The following ZEB1 variants were observed in gnomAD, a reference collection of about 807,000 sequenced individuals.
ZEB1 encodes zinc finger E-box binding homeobox 1.
A neutral mutation model predicts 84.9 loss-of-function variants in ZEB1; 21 were observed. That is an observed-to-expected ratio of 0.25 (90% confidence interval 0.18 to 0.36). The LOEUF is 0.36. Among genes scored for constraint, ZEB1 ranks in the 10% least tolerant of loss-of-function variants. The pLI is 1.00. For missense variants in ZEB1, 1,104 were observed against 1,330.2 expected, an observed-to-expected ratio of 0.83 and a Z score of 2.65; for synonymous variants, 420 against 471.1, an observed-to-expected ratio of 0.89 and a Z score of 1.41.
At chr10:31,459,306 T>C (rs957391712) in intron 1 of ZEB1, among the ~76,000 whole-genome samples, 6 of 152,146 alleles carry the variant, frequency 3.9e-5, no homozygotes, top group Non-Finnish European at 8.8e-5. Flanking sequence ...GAATTATATA[T>C]ACACACATTT....
At chr10:31,409,255 G>A (rs2053756293) in intron 1 of ZEB1, among the ~76,000 whole-genome samples, 1 of 152,130 alleles carries the variant, frequency 6.6e-6, no homozygotes, top group African/African-American at 2.4e-5. Flanking sequence ...AACAGGTGCT[G>A]GAGAGGATGT....
intron 2 of ZEB1, among the ~76,000 whole-genome samples, chr10:31,461,938 A>T (rs1193833109): frequency 6.6e-6 from 1 of 152,170 alleles, no homozygotes; most frequent in Admixed American, 6.6e-5. Context: ...AGCACCAATG[A>T]TATAAAAATG....
intron 5 of ZEB1, among the ~76,000 whole-genome samples, chr10:31,514,388 T>G (rs1344011652): frequency 6.6e-6 from 1 of 152,108 alleles, no homozygotes; most frequent in Non-Finnish European, 1.5e-5. Flanking sequence ...TCACTATCCT[T>G]TTTGGTAATA....
intron 2 of ZEB1, among the ~76,000 whole-genome samples, chr10:31,486,233 C>G (rs1036165901): frequency 5.9e-5 from 9 of 151,570 alleles, no homozygotes; most frequent in Admixed American, 1.3e-4. Flanking sequence ...GTTTTCATTT[C>G]TCTAGGGTAA....
chr10:31,355,910 G>T (rs2042043625), intron 1 of ZEB1, among the ~76,000 whole-genome samples: 1 of 152,106 alleles, frequency 6.6e-6, no homozygotes, highest in East Asian at 1.9e-4. Context: ...TGAAAATCAT[G>T]AGTCTGACTA....
chr10:31,361,251 G>C (rs2043015752), intron 1 of ZEB1: 41 of 1,597,450 alleles, frequency 2.6e-5, no homozygotes, highest in Non-Finnish European at 3.5e-5. Flanking sequence ...GGAGTGCAGT[G>C]GTGCGATCTC....
At chr10:31,509,733 T>A (rs994096780) in intron 4 of ZEB1, among the ~76,000 whole-genome samples, 18 of 152,188 alleles carry the variant, frequency 1.2e-4, no homozygotes, top group African/African-American at 4.1e-4. Context: ...TTTTCTATAG[T>A]GAATTCAAAA....
intron 1 of ZEB1, among the ~76,000 whole-genome samples, chr10:31,362,600 C>G (rs2043471102): frequency 6.8e-6 from 1 of 146,114 alleles, no homozygotes; most frequent in Non-Finnish European, 1.5e-5. Flanking sequence ...GCTTCCCAGA[C>G]AGGGCGGGGG....
At chr10:31,358,125 A>C (rs1010473640) in intron 1 of ZEB1, 1 of 152,194 alleles carries the variant, frequency 6.6e-6, no homozygotes, top group Non-Finnish European at 1.5e-5. Context: ...GATTAGATTA[A>C]TTGTGGTCTA....
In ZEB1 at chr10:31,526,751, T is replaced by G; in HGVS notation, c.2865T>G (p.His955Gln). 6.2e-7 allele frequency: 1 copy of G among 1,614,134 alleles called. No individual in the cohort carries two copies. Among genetic ancestry groups the G allele is most frequent in the Non-Finnish European group, 8.5e-7 (1 of 1,180,014 alleles). ...KHHLIEHMRL[H>Q]SGEKPYQCDK... is the part of the protein sequence containing the mutation. ...ATTTGATTGAACACATGCGATTACATTCTGGAGAAAAGCCCTATCAATGTG... is the reference window on the plus strand; with the variant it reads ...ATTTGATTGAACACATGCGATTACAGTCTGGAGAAAAGCCCTATCAATGTG... The change falls in exon 9 of 9, where the codon CAT (histidine) becomes CAG (glutamine). Residue 955 changes from histidine (H) to glutamine (Q), a missense_variant. His to Gln is a conservative substitution (Grantham distance 24). Coordinates refer to ENST00000424869, the MANE Select transcript of ZEB1 (RefSeq NM_001174096.2).
At chr10:31,424,418 AT>A (rs1222469069) in intron 1 of ZEB1, among the ~76,000 whole-genome samples, 1 of 152,016 alleles carries the variant, frequency 6.6e-6, no homozygotes, top group Non-Finnish European at 1.5e-5. Flanking sequence ...TGGTGCTGCA[AT>A]TTAGGTATTC....
chr10:31,433,645 G>A (rs2057976288), intron 1 of ZEB1, among the ~76,000 whole-genome samples: 1 of 152,114 alleles, frequency 6.6e-6, no homozygotes, highest in Non-Finnish European at 1.5e-5. Context: ...ATCCCATTTT[G>A]TTGTACAGAA....
intron 2 of ZEB1, among the ~76,000 whole-genome samples, chr10:31,464,613 A>G (rs879900189): frequency 6.6e-6 from 1 of 152,240 alleles, no homozygotes; most frequent in African/African-American, 2.4e-5. Flanking sequence ...CAATCAAATT[A>G]TGAAAAGTCA....
chr10:31,497,924 A>AATAGATAG (rs145458133), intron 3 of ZEB1, among the ~76,000 whole-genome samples: 28,381 of 145,276 alleles, frequency 0.2, 2,788 homozygotes, highest in East Asian at 0.23. Flanking sequence ...AGGATGGAAA[A>AATAGATAG]ATAGATAGAT....
At chr10:31,441,060 A>C (rs1659536987) in intron 1 of ZEB1, among the ~76,000 whole-genome samples, 1 of 152,184 alleles carries the variant, frequency 6.6e-6, no homozygotes, top group African/African-American at 2.4e-5. Context: ...AAACTACTTT[A>C]AAGTTCATAT....
chr10:31,347,666 T>C (rs946911554), intron 1 of ZEB1, among the ~76,000 whole-genome samples: 2 of 152,228 alleles, frequency 1.3e-5, no homozygotes, highest in Non-Finnish European at 2.9e-5. Context: ...TTCTTCATTA[T>C]AGTGGAAATA....
At chr10:31,321,460 C>A (rs1232425322) in intron 1 of ZEB1, 2 of 1,613,886 alleles carry the variant, frequency 1.2e-6, no homozygotes, top group Non-Finnish European at 1.7e-6. Flanking sequence ...ATTTTAATTT[C>A]CTGTTTTAGC....
At chr10:31,337,679 TTC>T (rs1429446327) in intron 1 of ZEB1, among the ~76,000 whole-genome samples, 3 of 146,862 alleles carry the variant, frequency 2.0e-5, no homozygotes, top group South Asian at 4.2e-4. Flanking sequence ...AATAATTTCT[TTC>T]TGTTTTTTTT....
intron 1 of ZEB1, among the ~76,000 whole-genome samples, chr10:31,459,053 T>G (rs757993623): frequency 4.6e-5 from 7 of 152,118 alleles, no homozygotes; most frequent in Non-Finnish European, 8.8e-5. Context: ...TAGCTTACAG[T>G]TGGGCAAATC....
Sources: gnomAD v4.1 joint callset for allele counts (sites outside exome capture counted in the v4.1 genomes callset) on GRCh38, gnomAD v4.1.1 for gene constraint, MANE v1.5 for transcripts, NCBI Gene and HGNC (gene_info 2026-07-23, HGNC 2026-07-21) for gene names.